The following IKZF2 variants were observed in gnomAD, a reference collection of about 807,000 sequenced individuals.
IKZF2 encodes IKAROS family zinc finger 2, also known as zinc finger protein Helios.
IKZF2 carries 15 observed loss-of-function variants against 49.2 expected under a neutral mutation model. The ratio of observed to expected loss-of-function variants is 0.30; its 90% CI spans 0.20 to 0.47. IKZF2 has a LOEUF of 0.47. Among genes scored for constraint, IKZF2 ranks in the 20% least tolerant of loss-of-function variants. The probability of loss-of-function intolerance (pLI) is 1.00; values close to 1 mark genes in which losing one functional copy is unlikely to be tolerated. For synonymous variants in IKZF2, 227 were observed against 221.4 expected (o/e 1.03, Z -0.23); for missense variants, 567 against 664.6 (o/e 0.85, Z 1.61).
chr2:213,122,618 G>A (rs746322057), intron 4 of IKZF2, among the ~76,000 whole-genome samples: 2 of 152,162 alleles, frequency 1.3e-5, no homozygotes, highest in African/African-American at 2.4e-5. Context: ...AAAGTACTAC[G>A]TGACCTTGCT....
chr2:213,049,639 G>A (rs1559207043), intron 6 of IKZF2, 74 bp downstream of exon 6: 2 of 1,117,304 alleles, frequency 1.8e-6, no homozygotes, highest in Admixed American at 5.0e-5. Context: ...ACAAAGCCAT[G>A]TTACTATCAT....
At chr2:213,095,729 T>A (rs1705898685) in intron 4 of IKZF2, among the ~76,000 whole-genome samples, 3 of 152,038 alleles carry the variant, frequency 2.0e-5, no homozygotes, top group Admixed American at 2.0e-4. Flanking sequence ...AATTAACATT[T>A]CAGTTCATGC....
At chr2:213,065,364 C>T (rs559906571) in intron 4 of IKZF2, among the ~76,000 whole-genome samples, 1 of 152,142 alleles carries the variant, frequency 6.6e-6, no homozygotes, top group East Asian at 1.9e-4. Flanking sequence ...GAAATACTGC[C>T]TTTATTCATA....
chr2:213,080,075 C>T (rs973187303), intron 4 of IKZF2, among the ~76,000 whole-genome samples: 4 of 151,790 alleles, frequency 2.6e-5, no homozygotes, highest in African/African-American at 4.8e-5. Flanking sequence ...CTTACAACTA[C>T]AAAGTTCAAA....
intron 6 of IKZF2, among the ~76,000 whole-genome samples, chr2:213,026,445 A>C (rs6754196): frequency 0.24 from 36,009 of 152,080 alleles, 4,727 homozygotes; most frequent in Non-Finnish European, 0.29. Context: ...AATTATAACA[A>C]TATCTTATGT....
chr2:213,065,363 C>T (rs943577089), intron 4 of IKZF2, among the ~76,000 whole-genome samples: 2 of 152,012 alleles, frequency 1.3e-5, no homozygotes, highest in African/African-American at 4.8e-5. Flanking sequence ...GGAAATACTG[C>T]CTTTATTCAT....
intron 4 of IKZF2, among the ~76,000 whole-genome samples, chr2:213,074,451 C>A (rs1703041609): frequency 6.6e-6 from 1 of 152,078 alleles, no homozygotes. Context: ...CTTAAAAATA[C>A]CCTATTTATA....
At chr2:213,083,041 A>C (rs1704121275) in intron 4 of IKZF2, among the ~76,000 whole-genome samples, 1 of 152,204 alleles carries the variant, frequency 6.6e-6, no homozygotes, top group Non-Finnish European at 1.5e-5. Context: ...CTCTGAGACA[A>C]CAAAATGACT....
chr2:213,106,587 T>C (rs1267560975), intron 4 of IKZF2, among the ~76,000 whole-genome samples: 1 of 146,844 alleles, frequency 6.8e-6, no homozygotes, highest in Admixed American at 7.0e-5. Context: ...ACATAAGCCA[T>C]GATCATGGTG....
intron 6 of IKZF2, among the ~76,000 whole-genome samples, chr2:213,047,423 A>G (rs759440537): frequency 2.6e-5 from 4 of 152,124 alleles, no homozygotes; most frequent in African/African-American, 4.8e-5. Flanking sequence ...CATCTCCTCC[A>G]TAGCCAGAAG....
chr2:213,090,103 A>G (rs1705125510), intron 4 of IKZF2, among the ~76,000 whole-genome samples: 2 of 152,130 alleles, frequency 1.3e-5, no homozygotes, highest in Non-Finnish European at 2.9e-5. Flanking sequence ...GGACCTCCTG[A>G]GCTGTGGATG....
chr2:213,081,964 A>G (rs1704004320), intron 4 of IKZF2, among the ~76,000 whole-genome samples: 1 of 152,158 alleles, frequency 6.6e-6, no homozygotes, highest in South Asian at 2.1e-4. Flanking sequence ...GTCCTTAAAT[A>G]AGTTTAAATA....
intron 4 of IKZF2, among the ~76,000 whole-genome samples, chr2:213,097,429 G>C (rs1429881995): frequency 6.6e-6 from 1 of 151,808 alleles, no homozygotes; most frequent in Non-Finnish European, 1.5e-5. Context: ...CTCTCTCTGG[G>C]CTATTTTTTC....
intron 4 of IKZF2, among the ~76,000 whole-genome samples, chr2:213,089,180 C>T (rs552670019): frequency 2.0e-5 from 3 of 152,322 alleles, no homozygotes; most frequent in East Asian, 3.9e-4. Context: ...AAGCCAAACA[C>T]TAGCAGTCAC....
chr2:213,038,136 C>G (rs1430657231), intron 6 of IKZF2, among the ~76,000 whole-genome samples: 1 of 152,158 alleles, frequency 6.6e-6, no homozygotes, highest in East Asian at 1.9e-4. Flanking sequence ...TCTCTGTTCA[C>G]TACAAGCTCC....
At chr2:213,056,806 C>T (rs890091959) in intron 5 of IKZF2, 27 bp downstream of exon 5, 2 of 1,612,768 alleles carry the variant, frequency 1.2e-6, no homozygotes, top group Non-Finnish European at 1.7e-6. Flanking sequence ...CACAGGCAGT[C>T]ATCAGGTTAT....
rs892180760 is a variant in IKZF2, at chr2:213,150,203, T to C, written c.-75A>G. On this transcript the variant is annotated 5_prime_UTR_variant, in exon 2 of 9. Transcript: ENST00000434687. Reference sequence around the variant, plus strand: ...CACCATTTCCAGCTCTGTCGGGAGATCTCAGCTTCTTCTAACCCCTCAAAG... The same window carrying C: ...CACCATTTCCAGCTCTGTCGGGAGACCTCAGCTTCTTCTAACCCCTCAAAG... 2 of 1,302,474 alleles carry C rather than the reference T, an allele frequency of 1.5e-6. No homozygotes were observed. The highest frequency in any genetic ancestry group is 1.0e-6 in the Non-Finnish European group (1 of 987,180). 80.7% of individuals were successfully genotyped at this position (1,302,474 alleles called of 1,614,324 possible).
At chr2:213,129,204 A>T (rs2060384388) in intron 4 of IKZF2, among the ~76,000 whole-genome samples, 1 of 151,758 alleles carries the variant, frequency 6.6e-6, no homozygotes. Context: ...AATGTTCCTC[A>T]ACTGTGTGTT....
chr2:213,049,268 T>C (rs1312877764), intron 6 of IKZF2, among the ~76,000 whole-genome samples: 2 of 152,054 alleles, frequency 1.3e-5, no homozygotes, highest in Non-Finnish European at 2.9e-5. Context: ...TTTTCAAGTT[T>C]AAAAGAAACA....
Sources: gnomAD v4.1 joint callset for allele counts (sites outside exome capture counted in the v4.1 genomes callset) on GRCh38, gnomAD v4.1.1 for gene constraint, MANE v1.5 for transcripts, NCBI Gene and HGNC (gene_info 2026-07-23, HGNC 2026-07-21) for gene names.